Variants in DTNBP1 observed in about 807,000 individuals in gnomAD.
DTNBP1 encodes dystrobrevin binding protein 1, also known as dysbindin.
DTNBP1 carries 35 observed loss-of-function variants against 42.8 expected under a neutral mutation model. The observed-to-expected ratio is 0.82, with a 90% CI of 0.63 to 1.09. The LOEUF (loss-of-function observed/expected upper bound fraction) is 1.09. Among genes scored for constraint, DTNBP1 ranks in the 50% least tolerant of loss-of-function variants. DTNBP1 has a pLI of 0.00. For synonymous variants in DTNBP1, 171 were observed against 162.2 expected, an observed-to-expected ratio of 1.05 and a Z score of -0.41; for missense variants, 457 against 424.2, an observed-to-expected ratio of 1.08 and a Z score of -0.68.
intron 6 of DTNBP1, among the ~76,000 whole-genome samples, chr6:15,594,128 T>C (rs556783564): frequency 1.3e-5 from 2 of 152,288 alleles, no homozygotes; most frequent in Non-Finnish European, 2.9e-5. Context: ...TCCAGCACCA[T>C]GGTTCATAAA....
At chr6:15,560,420 T>C (rs1177047465) in intron 7 of DTNBP1, among the ~76,000 whole-genome samples, 3 of 152,252 alleles carry the variant, frequency 2.0e-5, no homozygotes, top group African/African-American at 7.2e-5. Context: ...ATTTGAAGCA[T>C]ATTTCTTTCT....
At chr6:15,596,331 C>T (rs910986556) in intron 6 of DTNBP1, among the ~76,000 whole-genome samples, 2 of 152,130 alleles carry the variant, frequency 1.3e-5, no homozygotes, top group Non-Finnish European at 2.9e-5. Flanking sequence ...TCCCCTTCAG[C>T]CTACTCGAGG....
intron 3 of DTNBP1, among the ~76,000 whole-genome samples, chr6:15,647,809 C>G (rs1275143639): frequency 1.3e-5 from 2 of 151,938 alleles, no homozygotes; most frequent in African/African-American, 4.8e-5. Context: ...GATTGCTTCA[C>G]TGGTGAATTC....
Position 15,660,749 on chromosome 6 carries a change from A to G in DTNBP1, c.56+2065T>C, listed in dbSNP as rs181326293. Among the ~76,000 whole-genome samples, 433 of 152,282 alleles carry G rather than the reference A, an allele frequency of 2.8e-3. 1 individual carries two copies. Among genetic ancestry groups the G allele is most frequent in the Middle Eastern group, 6.8e-3 (2 of 294 alleles). On this transcript the variant is annotated intron_variant, in intron 1 of 9. Transcript: ENST00000344537. ...GTCCAGAGCCCACTCCAGAATCTAC[A>G]TTCCGGGGTAAAATGCCTTCTTACA...
chr6:15,561,254 C>G (rs189616743), intron 7 of DTNBP1, among the ~76,000 whole-genome samples: 1 of 152,316 alleles, frequency 6.6e-6, no homozygotes, highest in East Asian at 1.9e-4. Context: ...TAGAATCAGC[C>G]ACTCCAAGTC....
chr6:15,642,259 G>A (rs778030576), intron 3 of DTNBP1, among the ~76,000 whole-genome samples: 8 of 152,190 alleles, frequency 5.3e-5, no homozygotes, highest in South Asian at 2.1e-4. Context: ...CCCGCAACCC[G>A]CAGCCAGGAA....
At chr6:15,573,647 G>GA (rs537355144) in intron 7 of DTNBP1, among the ~76,000 whole-genome samples, 77 of 147,416 alleles carry the variant, frequency 5.2e-4, no homozygotes, top group East Asian at 2.2e-3. Context: ...TGTCTCAGAA[G>GA]AAAAAAAAAA....
At chr6:15,614,809 G>A (rs1293210252) in intron 6 of DTNBP1, among the ~76,000 whole-genome samples, 1 of 152,226 alleles carries the variant, frequency 6.6e-6, no homozygotes, top group East Asian at 1.9e-4. Context: ...GAGGCCAAGA[G>A]AGATAAAATA....
intron 7 of DTNBP1, among the ~76,000 whole-genome samples, chr6:15,553,926 T>C (rs1774364094): frequency 6.6e-6 from 1 of 152,106 alleles, no homozygotes; most frequent in South Asian, 2.1e-4. Context: ...AAGGATCTTC[T>C]CATTTTCTCC....
intron 5 of DTNBP1, among the ~76,000 whole-genome samples, chr6:15,618,453 A>G (rs1302052838): frequency 6.6e-6 from 1 of 151,982 alleles, no homozygotes; most frequent in Non-Finnish European, 1.5e-5. Flanking sequence ...TATTGGGTAC[A>G]CTACAAGCCC....
intron 7 of DTNBP1, among the ~76,000 whole-genome samples, chr6:15,592,233 T>C (rs1776328316): frequency 1.3e-5 from 2 of 152,238 alleles, no homozygotes; most frequent in East Asian, 1.9e-4. Context: ...TAAAGGACAA[T>C]GCTGGTTTAT....
intron 3 of DTNBP1, among the ~76,000 whole-genome samples, chr6:15,649,979 TTTCATG>T (rs1445017067): frequency 2.0e-5 from 3 of 152,234 alleles, no homozygotes; most frequent in African/African-American, 7.2e-5. Context: ...CTACACTTCC[TTTCATG>T]TTCATTTCTG....
In DTNBP1 at chr6:15,596,619, G is replaced by T. The variant is rs530549695; in HGVS notation, c.489-3538C>A. ...GACCACCAGATGCTGGAGTGCTGCA[G>T]GCTTGGTTCTGGGCCCTCTTCTCTC... On this transcript the variant is annotated intron_variant, in intron 6 of 9. Transcript: ENST00000344537. Among the ~76,000 whole-genome samples the T allele has an allele frequency of 2.0e-5, 3 of 152,252 alleles. No individual in the cohort carries two copies. The South Asian group carries it at 6.2e-4, about 32-fold the overall frequency.
At chr6:15,555,848 C>G (rs144901885) in intron 7 of DTNBP1, among the ~76,000 whole-genome samples, 2 of 152,304 alleles carry the variant, frequency 1.3e-5, no homozygotes, top group Admixed American at 1.3e-4. Context: ...TCACTTTACT[C>G]TGAATTTGCC....
At chr6:15,641,542 C>G (rs1458841050) in intron 3 of DTNBP1, among the ~76,000 whole-genome samples, 1 of 152,090 alleles carries the variant, frequency 6.6e-6, no homozygotes, top group Non-Finnish European at 1.5e-5. Flanking sequence ...CCTTGTGACC[C>G]AAAGCAATAC....
intron 2 of DTNBP1, among the ~76,000 whole-genome samples, 184 bp downstream of exon 2, chr6:15,651,902 AC>A (rs1258761589): frequency 1.3e-5 from 2 of 152,304 alleles, no homozygotes; most frequent in South Asian, 4.1e-4. Context: ...CATTTTTTCA[AC>A]CATTTCACGA....
chr6:15,640,696 A>G (rs1760292884), intron 3 of DTNBP1, among the ~76,000 whole-genome samples: 1 of 152,238 alleles, frequency 6.6e-6, no homozygotes, highest in Non-Finnish European at 1.5e-5. Context: ...AGTAAGAGGC[A>G]TCTAGAATCT....
chr6:15,522,999 ATCCGGAGTGGCCTC>A lies in DTNBP1; in HGVS notation c.1018_1031del (p.Glu340TrpfsTer3). 6.2e-7 allele frequency: 1 copy of A among 1,614,178 alleles called. No individual in the cohort carries two copies. Among genetic ancestry groups the A allele is most frequent in the Non-Finnish European group, 8.5e-7 (1 of 1,180,030 alleles). On this transcript the variant is annotated frameshift_variant, in exon 10 of 10. Coordinates refer to ENST00000344537, the MANE Select transcript of DTNBP1 (RefSeq NM_032122.5). LOFTEE classifies it high-confidence loss of function. ...TTTAAGAGTCGCTGTCCTCACCACCATCCGGAGTGGCCTCTCTGTCAGTGTGTGATGTGGCCAGG... is the reference window on the plus strand; with the variant it reads ...TTTAAGAGTCGCTGTCCTCACCACCATCTGTCAGTGTGTGATGTGGCCAGG...
At chr6:15,589,825 A>C (rs1776221821) in intron 7 of DTNBP1, among the ~76,000 whole-genome samples, 2 of 151,398 alleles carry the variant, frequency 1.3e-5, no homozygotes, top group African/African-American at 2.4e-5. Flanking sequence ...CTTCAACTAT[A>C]CCTCCCCTGA....
Sources: gnomAD v4.1 joint callset for allele counts (sites outside exome capture counted in the v4.1 genomes callset) on GRCh38, gnomAD v4.1.1 for gene constraint, MANE v1.5 for transcripts, NCBI Gene and HGNC (gene_info 2026-07-23, HGNC 2026-07-21) for gene names.